KDM4C: variants seen among roughly 807,000 people sequenced by gnomAD.
KDM4C encodes the protein lysine-specific demethylase 4C.
In KDM4C, 81 loss-of-function variants were observed where a neutral mutation model predicts 129.3. That is an observed-to-expected ratio of 0.63 (90% CI 0.52 to 0.75). The LOEUF (loss-of-function observed/expected upper bound fraction) is 0.75, where lower values mean the gene tolerates loss of function less well. Ranked by LOEUF, KDM4C falls within the 30% of genes least tolerant of loss-of-function variation. KDM4C has a pLI of 0.00. For synonymous variants in KDM4C, 573 were observed against 456.1 expected, an observed-to-expected ratio of 1.26 and a Z score of -3.26; for missense variants, 1,457 against 1,304.0, an observed-to-expected ratio of 1.12 and a Z score of -1.81.
intron 8 of KDM4C, among the ~76,000 whole-genome samples, chr9:6,932,968 C>T (rs1366480576): frequency 6.6e-6 from 1 of 152,138 alleles, no homozygotes; most frequent in Non-Finnish European, 1.5e-5. Flanking sequence ...TGGTGTAGAG[C>T]TAATTTAAGA....
At chr9:6,885,347 A>G (rs775351106) in intron 6 of KDM4C, among the ~76,000 whole-genome samples, 1 of 152,164 alleles carries the variant, frequency 6.6e-6, no homozygotes, top group Non-Finnish European at 1.5e-5. Flanking sequence ...TGTATGTGAA[A>G]CATCCTTTGG....
At chr9:7,129,002 C>T (rs994364352) in intron 19 of KDM4C, among the ~76,000 whole-genome samples, 4 of 152,218 alleles carry the variant, frequency 2.6e-5, no homozygotes, top group South Asian at 2.1e-4. Context: ...AATCAAATCT[C>T]GTGACTGAGA....
intron 1 of KDM4C, among the ~76,000 whole-genome samples, chr9:6,789,027 G>A (rs541815139): frequency 9.7e-4 from 148 of 151,968 alleles, no homozygotes; most frequent in Middle Eastern, 3.4e-3. Context: ...AGTTAGGTGA[G>A]GGCCAGATCC....
intron 20 of KDM4C, among the ~76,000 whole-genome samples, chr9:7,165,891 G>A (rs1014646055): frequency 6.6e-6 from 1 of 152,228 alleles, no homozygotes; most frequent in South Asian, 2.1e-4. Context: ...TAAATGAAAA[G>A]TACAGCTATC....
At chr9:6,979,332 G>A (rs568579230) in intron 8 of KDM4C, among the ~76,000 whole-genome samples, 3 of 152,322 alleles carry the variant, frequency 2.0e-5, no homozygotes, top group African/African-American at 7.2e-5. Context: ...CAGAGGAACA[G>A]TTGGGACAAT....
At chr9:6,781,267 A>T (rs917120742) in intron 1 of KDM4C, among the ~76,000 whole-genome samples, 1 of 152,198 alleles carries the variant, frequency 6.6e-6, no homozygotes, top group Non-Finnish European at 1.5e-5. Context: ...GTCATCATGA[A>T]CAATGAACTA....
intron 1 of KDM4C, chr9:6,726,445 G>C (rs1265808624): frequency 6.6e-6 from 1 of 152,302 alleles, no homozygotes; most frequent in East Asian, 1.9e-4. Context: ...AGCTAAGTCA[G>C]TGATGACACA....
chr9:6,750,009 AAAAAG>A (rs1818016825), intron 1 of KDM4C, among the ~76,000 whole-genome samples: 2 of 141,914 alleles, frequency 1.4e-5, no homozygotes, highest in South Asian at 4.6e-4. Flanking sequence ...AAAAAAAAAA[AAAAAG>A]AGTAACCTAA....
In KDM4C at chr9:7,164,214, A is replaced by G. The variant is rs528252574; in HGVS notation, c.2782-1024A>G. On this transcript the variant is annotated intron_variant, in intron 19 of 21. Transcript: ENST00000381309. ...TAAATGTGCAAAAATAAAAATTACC[A>G]TAGTCAAGTATTTAATTCCCTTGTA... Among the ~76,000 whole-genome samples, 9 of 152,310 alleles carry G rather than the reference A, an allele frequency of 5.9e-5. No homozygotes were observed. The South Asian group carries it at 8.3e-4, about 14-fold the overall frequency.
At chr9:7,083,710 G>T (rs1173220533) in intron 17 of KDM4C, among the ~76,000 whole-genome samples, 1 of 65,480 alleles carries the variant, frequency 1.5e-5, no homozygotes, top group Non-Finnish European at 3.2e-5. Context: ...GCACATGACT[G>T]ATGTGTGTGT....
At chr9:7,048,192 C>G (rs768680683) in intron 16 of KDM4C, among the ~76,000 whole-genome samples, 41 of 152,026 alleles carry the variant, frequency 2.7e-4, no homozygotes, top group Admixed American at 1.9e-3. Flanking sequence ...ATAAGACGTT[C>G]TCTTCCTATG....
At chr9:6,830,295 A>G (rs574049507) in intron 4 of KDM4C, among the ~76,000 whole-genome samples, 1 of 152,310 alleles carries the variant, frequency 6.6e-6, no homozygotes, top group East Asian at 1.9e-4. Flanking sequence ...TATTGCTTAC[A>G]ATCTCCCTCA....
intron 17 of KDM4C, among the ~76,000 whole-genome samples, chr9:7,071,301 T>C (rs1833160427): frequency 6.6e-6 from 1 of 152,122 alleles, no homozygotes; most frequent in South Asian, 2.1e-4. Context: ...AAAATGATAA[T>C]CGAATTCTAA....
intron 6 of KDM4C, among the ~76,000 whole-genome samples, chr9:6,887,165 C>CA (rs1845436281): frequency 6.6e-6 from 1 of 152,196 alleles, no homozygotes; most frequent in Admixed American, 6.5e-5. Flanking sequence ...GCTGCCTTCC[C>CA]TCTGAGTGAG....
intron 3 of KDM4C, among the ~76,000 whole-genome samples, chr9:6,807,501 C>A (rs553544716): frequency 1.4e-5 from 2 of 147,658 alleles, no homozygotes; most frequent in East Asian, 4.0e-4. Flanking sequence ...GGCCGCCCAT[C>A]GTCTGAGATG....
intron 8 of KDM4C, among the ~76,000 whole-genome samples, chr9:6,976,569 A>T (rs1402940939): frequency 3.9e-5 from 6 of 151,974 alleles, no homozygotes. Context: ...ATATTGGGGG[A>T]TGTTAGGCAC....
At chr9:6,821,475 T>C (rs564207326) in intron 4 of KDM4C, among the ~76,000 whole-genome samples, 1 of 152,332 alleles carries the variant, frequency 6.6e-6, no homozygotes, top group South Asian at 2.1e-4. Flanking sequence ...TGACCAGTGA[T>C]GATGAGCATT....
chr9:6,795,865 T>C (rs955952711), intron 2 of KDM4C, among the ~76,000 whole-genome samples: 1 of 151,768 alleles, frequency 6.6e-6, no homozygotes, highest in Admixed American at 6.6e-5. Context: ...AGAGCCAAGG[T>C]TTCACCATGT....
chr9:6,837,565 T>C (rs545185118), intron 4 of KDM4C, among the ~76,000 whole-genome samples: 6 of 152,250 alleles, frequency 3.9e-5, no homozygotes, highest in Non-Finnish European at 8.8e-5. Context: ...CTGTAAAATA[T>C]GTTATGTGAA....
Sources: allele counts gnomAD v4.1 joint callset (sites outside exome capture counted in the v4.1 genomes callset), GRCh38; gene constraint gnomAD v4.1.1; transcripts MANE v1.5; gene names NCBI Gene and HGNC (gene_info 2026-07-23, HGNC 2026-07-21).